LARGE1: variants seen among roughly 807,000 people sequenced by gnomAD.
LARGE1 encodes the protein LARGE xylosyl- and glucuronyltransferase 1.
LARGE1 carries 43 observed loss-of-function variants against 87.6 expected under a neutral mutation model. That is an observed-to-expected ratio of 0.49 (90% confidence interval 0.38 to 0.63). The LOEUF (loss-of-function observed/expected upper bound fraction) is 0.63. Ranked by LOEUF, LARGE1 falls within the 30% of genes least tolerant of loss-of-function variation. LARGE1 has a pLI of 0.00. For synonymous variants in LARGE1, 434 were observed against 394.6 expected, an observed-to-expected ratio of 1.10 and a Z score of -1.18; for missense variants, 802 against 1,000.2, an observed-to-expected ratio of 0.80 and a Z score of 2.67.
At chr22:33,321,365 C>T (rs1936694658) in intron 10 of LARGE1, among the ~76,000 whole-genome samples, 1 of 152,152 alleles carries the variant, frequency 6.6e-6, no homozygotes, top group African/African-American at 2.4e-5. Context: ...CTGATTCATA[C>T]ATATTAGAGG....
At chr22:33,643,657 GGCCACTA>G (rs1444642058) in intron 3 of LARGE1, among the ~76,000 whole-genome samples, 1 of 151,908 alleles carries the variant, frequency 6.6e-6, no homozygotes, top group Non-Finnish European at 1.5e-5. Flanking sequence ...AAAATATATA[GGCCACTA>G]GCTAGACTAA....
chr22:33,129,903 C>T, the LARGE1 span, among the ~76,000 whole-genome samples: 1 of 152,202 alleles, frequency 6.6e-6, no homozygotes, highest in Non-Finnish European at 1.5e-5. Flanking sequence ...AAGGGAATTA[C>T]AATTCAAGAT....
intron 1 of LARGE1, among the ~76,000 whole-genome samples, chr22:33,808,617 G>A (rs1031436009): frequency 1.1e-4 from 16 of 152,182 alleles, no homozygotes; most frequent in Non-Finnish European, 8.8e-5. Flanking sequence ...ATAAAGCCCC[G>A]TATTCCCCTG....
chr22:33,274,739 C>T (rs1459437027), intron 14 of LARGE1, 115 bp from the exon 15 acceptor site: 3 of 904,520 alleles, frequency 3.3e-6, no homozygotes, highest in Non-Finnish European at 5.4e-6. Context: ...ATGGCACCCA[C>T]AAGCAGATGG....
In LARGE1 at chr22:33,658,459, G is replaced by A. The variant is rs11703877; in HGVS notation, c.107-7791C>T. 2.8e-3 allele frequency among the ~76,000 whole-genome samples: 425 copies of A among 152,136 alleles called. 2 individuals are homozygous for A. Among genetic ancestry groups the A allele is most frequent in the Non-Finnish European group, 4.6e-3 (312 of 68,004 alleles). On this transcript the variant is annotated intron_variant, in intron 2 of 14. Coordinates refer to ENST00000397394, the MANE Select transcript of LARGE1 (RefSeq NM_133642.5). ...TCCCTCCCCTGCCAACTCCCCAACA[G>A]GCCCCAGTGTGTGTTGTTCCCCTAC... is the stretch of plus-strand genomic sequence containing the variant.
intron 11 of LARGE1, among the ~76,000 whole-genome samples, chr22:33,240,346 T>C (rs1178638177): frequency 6.6e-6 from 1 of 152,246 alleles, no homozygotes; most frequent in Admixed American, 6.5e-5. Context: ...TTATTATTGA[T>C]TTGAAAGAAT....
At chr22:33,722,489 C>T (rs1226625784) in intron 2 of LARGE1, among the ~76,000 whole-genome samples, 3 of 152,068 alleles carry the variant, frequency 2.0e-5, no homozygotes, top group Non-Finnish European at 4.4e-5. Context: ...AATATTGTGA[C>T]AAATACAACG....
intron 2 of LARGE1, among the ~76,000 whole-genome samples, chr22:33,686,999 T>C (rs1421299180): frequency 6.6e-6 from 1 of 152,188 alleles, no homozygotes; most frequent in Non-Finnish European, 1.5e-5. Context: ...GATGCTGACC[T>C]AACTCTCTGT....
At chr22:33,656,318 C>T (rs992425089) in intron 2 of LARGE1, among the ~76,000 whole-genome samples, 8 of 152,050 alleles carry the variant, frequency 5.3e-5, no homozygotes, top group Non-Finnish European at 1.0e-4. Context: ...GAGAGTGAAG[C>T]GAAAGGGGTT....
At chr22:33,151,883 A>T in the LARGE1 span, among the ~76,000 whole-genome samples, 1 of 151,260 alleles carries the variant, frequency 6.6e-6, no homozygotes, top group East Asian at 1.9e-4. Flanking sequence ...ATTGGTTTGT[A>T]GTTTTCTTCC....
At chr22:33,829,505 G>C (rs957447351) in intron 1 of LARGE1, among the ~76,000 whole-genome samples, 1 of 152,022 alleles carries the variant, frequency 6.6e-6, no homozygotes, top group African/African-American at 2.4e-5. Context: ...CTGTATCCCC[G>C]GTGCTTAGTA....
chr22:33,647,539 G>A (rs1413640564), intron 3 of LARGE1, among the ~76,000 whole-genome samples: 2 of 152,162 alleles, frequency 1.3e-5, no homozygotes, highest in African/African-American at 4.8e-5. Context: ...AGGCTGGGGT[G>A]AAAGATAAAG....
intron 5 of LARGE1, among the ~76,000 whole-genome samples, chr22:33,600,974 G>A (rs1266043866): frequency 6.6e-6 from 1 of 152,122 alleles, no homozygotes; most frequent in African/African-American, 2.4e-5. Flanking sequence ...GGAGGCCGAG[G>A]CAGAAGAATC....
chr22:33,342,964 G>T (rs935030503), intron 9 of LARGE1, among the ~76,000 whole-genome samples: 4 of 152,188 alleles, frequency 2.6e-5, no homozygotes, highest in Non-Finnish European at 4.4e-5. Context: ...ATTACCTTGT[G>T]CTAGGATCTA....
At chr22:33,245,746 C>A (rs1926725913) in intron 11 of LARGE1, among the ~76,000 whole-genome samples, 1 of 152,002 alleles carries the variant, frequency 6.6e-6, no homozygotes, top group East Asian at 1.9e-4. Context: ...CTGTCTCCAT[C>A]AAAAATACAA....
At chr22:33,410,392 G>A (rs578012585) in intron 7 of LARGE1, among the ~76,000 whole-genome samples, 1 of 151,974 alleles carries the variant, frequency 6.6e-6, no homozygotes, top group Admixed American at 6.6e-5. Flanking sequence ...CATGCCTAGG[G>A]AGAGATATGA....
At chr22:33,182,463 A>G (rs1428717333) in intron 11 of LARGE1, among the ~76,000 whole-genome samples, 1 of 152,194 alleles carries the variant, frequency 6.6e-6, no homozygotes, top group African/African-American at 2.4e-5. Context: ...GGATGCCAAG[A>G]CAATTCAATA....
the LARGE1 span, among the ~76,000 whole-genome samples, chr22:33,067,330 C>T: frequency 5.9e-5 from 9 of 151,964 alleles, no homozygotes; most frequent in East Asian, 1.9e-4. Flanking sequence ...AAAGAAGAAA[C>T]GAGATAATGG....
chr22:33,421,386 C>T (rs1280142237), intron 7 of LARGE1, among the ~76,000 whole-genome samples: 1 of 152,112 alleles, frequency 6.6e-6, no homozygotes, highest in Non-Finnish European at 1.5e-5. Context: ...AAAAGTTGTT[C>T]ATTCCCCAGA....
Sources: allele counts gnomAD v4.1 joint callset (sites outside exome capture counted in the v4.1 genomes callset), GRCh38; gene constraint gnomAD v4.1.1; transcripts MANE v1.5; gene names NCBI Gene and HGNC (gene_info 2026-07-23, HGNC 2026-07-21).